Variants in RRM2 observed in about 807,000 individuals in gnomAD.
RRM2 encodes ribonucleotide reductase regulatory subunit M2.
In RRM2, 6 loss-of-function variants were observed where a neutral mutation model predicts 45.9. The ratio of observed to expected loss-of-function variants is 0.13; its 90% CI spans 0.07 to 0.26. The LOEUF (loss-of-function observed/expected upper bound fraction) is 0.26, where lower values mean the gene tolerates loss of function less well. RRM2 is among the 10% of genes least tolerant of loss of function. The pLI is 1.00. For missense variants in RRM2, 343 were observed against 489.5 expected (o/e 0.70, Z 2.82); for synonymous variants, 177 against 173.0 (o/e 1.02, Z -0.18).
chr2:10,184,842 G>C (rs1664132925), intron 3 of RRM2, among the ~76,000 whole-genome samples: 1 of 152,204 alleles, frequency 6.6e-6, no homozygotes. Context: ...AGTCAGAAAG[G>C]GAGGAGACTG....
intron 3 of RRM2, among the ~76,000 whole-genome samples, chr2:10,206,102 C>T (rs1448680946): frequency 6.6e-6 from 1 of 151,924 alleles, no homozygotes; most frequent in African/African-American, 2.4e-5. Context: ...AAAAATTAGC[C>T]AGGCATGGTG....
rs1425318653 is a variant in RRM2, at chr2:10,169,912, C to T, written n.482+27537C>T. ...TCAGGTTTTCCTAGTTCCTGAGGGC[C>T]TGGGAGGCCTTGGCTGGCATCCCGT... On this transcript the variant is annotated intron_variant and non_coding_transcript_variant, in intron 3 of 3. Transcript: ENST00000381786. This position sits in a 1 kb window ranked among gnomAD's most constrained non-coding sequence, Gnocchi z 5.1. Among the ~76,000 whole-genome samples, 1 of 152,158 alleles carries T rather than the reference C, an allele frequency of 6.6e-6. No individual in the cohort carries two copies. The highest frequency in any genetic ancestry group is 1.5e-5 in the Non-Finnish European group (1 of 68,026).
intron 3 of RRM2, among the ~76,000 whole-genome samples, chr2:10,161,180 C>A (rs1244233391): frequency 6.6e-6 from 1 of 152,202 alleles, no homozygotes; most frequent in Non-Finnish European, 1.5e-5. Flanking sequence ...ACCTCAGCCT[C>A]CCAAGTAGCT....
Position 10,171,553 on chromosome 2 carries a change from C to T in RRM2, n.482+29178C>T, listed in dbSNP as rs558205843. ...GCAAGGTGGTGTCCCCCGGTCAGTG[C>T]CAGAGTCTCCCTAATGTGGCCTGTG... On this transcript the variant is annotated intron_variant and non_coding_transcript_variant, in intron 3 of 3. Coordinates refer to the RRM2 transcript ENST00000381786. This position sits in a 1 kb window ranked among gnomAD's most constrained non-coding sequence, Gnocchi z 4.1. Among the ~76,000 whole-genome samples, 2 of 152,290 alleles carry T rather than the reference C, an allele frequency of 1.3e-5. No individual in the cohort carries two copies. Among genetic ancestry groups the T allele is most frequent in the African/African-American group, 4.8e-5 (2 of 41,572 alleles).
intron 3 of RRM2, among the ~76,000 whole-genome samples, chr2:10,197,541 C>T (rs776684371): frequency 6.6e-6 from 1 of 151,824 alleles, no homozygotes; most frequent in Admixed American, 6.6e-5. Context: ...AGAGAGCACA[C>T]TTGTGGATGG....
chr2:10,176,816 T>C (rs1273912127), intron 3 of RRM2, among the ~76,000 whole-genome samples: 2 of 152,242 alleles, frequency 1.3e-5, no homozygotes, highest in South Asian at 2.1e-4. Flanking sequence ...TCATTAACCG[T>C]CTTGTACACA....
chr2:10,184,444 T>C (rs1318098923), intron 3 of RRM2, among the ~76,000 whole-genome samples: 2 of 152,358 alleles, frequency 1.3e-5, no homozygotes, highest in African/African-American at 4.8e-5. Flanking sequence ...GTTTTTAGCA[T>C]TGAAAACCAC....
At chr2:10,152,695 C>T (rs1434750452) in intron 3 of RRM2, among the ~76,000 whole-genome samples, 3 of 151,556 alleles carry the variant, frequency 2.0e-5, no homozygotes, top group Non-Finnish European at 2.9e-5. Flanking sequence ...GTTGGCCAGG[C>T]TGGTCTCGAA....
intron 3 of RRM2, among the ~76,000 whole-genome samples, chr2:10,149,237 T>C: frequency 6.6e-6 from 1 of 152,052 alleles, no homozygotes; most frequent in East Asian, 1.9e-4. Flanking sequence ...CAAGCGATTC[T>C]CCTACCTCAG....
chr2:10,140,632 G>A (rs553375851), upstream of RRM2, among the ~76,000 whole-genome samples: 1 of 152,290 alleles, frequency 6.6e-6, no homozygotes, highest in Admixed American at 6.5e-5. Flanking sequence ...TTTAAACACA[G>A]GGAAAGCTGT....
Position 10,169,091 on chromosome 2 carries a change from G to A in RRM2, n.482+26716G>A, listed in dbSNP as rs1462080296. On this transcript the variant is annotated intron_variant and non_coding_transcript_variant, in intron 3 of 3. Transcript: ENST00000381786. This position sits in a 1 kb window ranked among gnomAD's most constrained non-coding sequence, Gnocchi z 5.1. ...AGGCTCAAGCCATCCTTCCACCTCA[G>A]CCTTCCAAGTAGCTGGGACTACAGG... Among the ~76,000 whole-genome samples the A allele has an allele frequency of 6.6e-6, 1 of 151,624 alleles. No individual in the cohort carries two copies. Among genetic ancestry groups the A allele is most frequent in the Non-Finnish European group, 1.5e-5 (1 of 67,992 alleles).
chr2:10,183,047 C>T (rs187348557), intron 3 of RRM2, among the ~76,000 whole-genome samples: 23 of 152,156 alleles, frequency 1.5e-4, no homozygotes, highest in Admixed American at 3.3e-4. Context: ...GGTATGGTGG[C>T]GCGTACCCAG....
At chr2:10,141,969 G>A (rs1178979078) in intron 2 of RRM2, 3 of 1,570,982 alleles carry the variant, frequency 1.9e-6, no homozygotes, top group Non-Finnish European at 2.6e-6. Flanking sequence ...GTCAGACGGT[G>A]ACAAGCTCTG....
At chr2:10,162,193 A>C (rs906545376) in intron 3 of RRM2, among the ~76,000 whole-genome samples, 8 of 152,112 alleles carry the variant, frequency 5.3e-5, no homozygotes, top group Middle Eastern at 3.2e-3. Flanking sequence ...GGGTGCACAG[A>C]GGGGAGGAGA....
downstream of RRM2, among the ~76,000 whole-genome samples, chr2:10,132,375 A>T (rs1662917748): frequency 6.6e-6 from 1 of 152,064 alleles, no homozygotes; most frequent in African/African-American, 2.4e-5. Flanking sequence ...AGAGAATTCT[A>T]AGGTGGATGG....
At chr2:10,179,037 T>C (rs6718918) in intron 3 of RRM2, among the ~76,000 whole-genome samples, 85,047 of 151,880 alleles carry the variant, frequency 0.56, 24,350 homozygotes, top group East Asian at 0.86. Flanking sequence ...GTCTAGGGTA[T>C]TTTGTTATAG....
At chr2:10,134,210 C>T (rs1662951603), downstream of RRM2, among the ~76,000 whole-genome samples, 2 of 151,766 alleles carry the variant, frequency 1.3e-5, no homozygotes, top group Admixed American at 6.6e-5. Flanking sequence ...AGATGATCAC[C>T]TCCTGGGAAA....
intron 3 of RRM2, among the ~76,000 whole-genome samples, chr2:10,196,376 G>A (rs1664413687): frequency 1.3e-5 from 2 of 152,208 alleles, no homozygotes; most frequent in Admixed American, 6.5e-5. Flanking sequence ...TTTCATCTCG[G>A]GACACAGTGG....
intron 3 of RRM2, among the ~76,000 whole-genome samples, chr2:10,160,420 G>A (rs1026201611): frequency 2.6e-5 from 4 of 152,174 alleles, no homozygotes; most frequent in African/African-American, 4.8e-5. Flanking sequence ...GCTTCACCTC[G>A]GGCTTGCCCA....
Sources: allele counts gnomAD v4.1 joint callset (sites outside exome capture counted in the v4.1 genomes callset), GRCh38; gene constraint gnomAD v4.1.1; non-coding constraint Gnocchi (gnomAD v3.1); transcripts MANE v1.5; gene names NCBI Gene and HGNC (gene_info 2026-07-23, HGNC 2026-07-21).